Variants in ZNF14 observed in about 807,000 individuals in gnomAD.
The protein encoded by ZNF14 is zinc finger protein 14.
ZNF14 carries 9 observed loss-of-function variants against 11.3 expected under a neutral mutation model. That is an observed-to-expected ratio of 0.80 (90% CI 0.48 to 1.39). The LOEUF (loss-of-function observed/expected upper bound fraction) is 1.39. Ranked by LOEUF, ZNF14 falls within the 40% of genes most tolerant of loss-of-function variation. ZNF14 has a pLI of 0.00. For synonymous variants in ZNF14, 239 were observed against 245.7 expected (o/e 0.97, Z 0.25); for missense variants, 711 against 763.9 (o/e 0.93, Z 0.82).
chr19:19,732,840 C>A, intron 1 of ZNF14, 116 bp downstream of exon 1: 1 of 1,407,046 alleles, frequency 7.1e-7, no homozygotes, highest in South Asian at 1.3e-5. Flanking sequence ...CGAACTGCGC[C>A]CGCGGTGGCC....
rs970434922 is a variant in ZNF14, at chr19:19,726,638, C to A, written c.3+6318G>T. Among the ~76,000 whole-genome samples, 19 of 134,022 alleles carry A rather than the reference C, an allele frequency of 1.4e-4. 4 individuals are homozygous for A. The highest frequency in any genetic ancestry group is 4.1e-4 in the African/African-American group (15 of 36,280). The allele number at this position is 134,022 out of a possible 152,430, so 87.9% of individuals were successfully genotyped here. On this transcript the variant is annotated intron_variant, in intron 1 of 3. Coordinates refer to ENST00000344099, the MANE Select transcript of ZNF14 (RefSeq NM_021030.3). ...TGTCAGACAGGGACATTTAAGTCTGCAGAAGTTTCTGCTGCCTTTTGTTCA... is the reference window on the plus strand; with the variant it reads ...TGTCAGACAGGGACATTTAAGTCTGAAGAAGTTTCTGCTGCCTTTTGTTCA...
Position 19,720,915 on chromosome 19 carries a change from AAG to A in ZNF14, c.4-6430_4-6429del, listed in dbSNP as rs1290793610. Among the ~76,000 whole-genome samples, 1 of 152,230 alleles carries A rather than the reference AAG, an allele frequency of 6.6e-6. No homozygotes were observed. Among genetic ancestry groups the A allele is most frequent in the African/African-American group, 2.4e-5 (1 of 41,456 alleles). On this transcript the variant is annotated intron_variant, in intron 1 of 3. Coordinates refer to ENST00000344099, the MANE Select transcript of ZNF14 (RefSeq NM_021030.3). The surrounding 1 kb of genome is among the most constrained non-coding windows in gnomAD (Gnocchi z 4.1). The stretch of plus-strand genomic sequence containing the variant: ...ACCCGGCATGTTTTAATTTAAATAA[AAG>A]AGAAAGCATTCATAAGAACAACCTC...
In ZNF14 at chr19:19,728,116, C is replaced by CAAACA. The variant is rs543443387; in HGVS notation, c.3+4835_3+4839dup. Among the ~76,000 whole-genome samples the CAAACA allele has an allele frequency of 1.5e-5, 2 of 130,090 alleles. 1 individual carries two copies. Among genetic ancestry groups the CAAACA allele is most frequent in the Middle Eastern group, 8.8e-3 (2 of 228 alleles). The allele number at this position is 130,090 out of a possible 152,430, so 85.3% of individuals were successfully genotyped here. A position where few individuals can be genotyped will look rare whatever the true frequency, so the allele number is the denominator to read the frequency against. ...GGGCAACACAGTGAGACTCTTGTCTCAAACAAAACAAAACAAAACAAACAA... is the reference window on the plus strand; with the variant it reads ...GGGCAACACAGTGAGACTCTTGTCTCAAACAAAACAAAACAAAACAAAACAAACAA... On this transcript the variant is annotated intron_variant, in intron 1 of 3. Coordinates refer to ENST00000344099, the MANE Select transcript of ZNF14 (RefSeq NM_021030.3).
In ZNF14 at chr19:19,711,634, A is replaced by G. The variant is rs74349485; in HGVS notation, c.1647T>C (p.His549=). ...GTTTCTCTCCAGTGTGAGTCCTTTC[A>G]TGCAATCGAATTTGACTGGAACGAA... The part of the protein sequence containing the change: ...AFLRSSQIRL[H]ERTHTGEKPY... The change falls in exon 4 of 4, where the codon CAT becomes CAC. Residue 549 remains histidine, a synonymous_variant. Coordinates refer to ENST00000344099, the MANE Select transcript of ZNF14 (RefSeq NM_021030.3). The G allele has an allele frequency of 5.8e-3, 9,281 of 1,614,014 alleles. 322 individuals carry two copies. The East Asian group carries it at 0.077, about 13-fold the overall frequency.
chr19:19,718,554 A>G (rs1418241519), intron 1 of ZNF14, among the ~76,000 whole-genome samples: 1 of 152,204 alleles, frequency 6.6e-6, no homozygotes, highest in Non-Finnish European at 1.5e-5. Flanking sequence ...AAGAAACAGA[A>G]GAAATAACTG....
intron 1 of ZNF14, among the ~76,000 whole-genome samples, chr19:19,717,628 A>ATCCTT (rs1452994403): frequency 6.6e-6 from 1 of 152,182 alleles, no homozygotes; most frequent in Non-Finnish European, 1.5e-5. Flanking sequence ...AACAAGGAGG[A>ATCCTT]TCCTTTCACC....
chr19:19,719,586 A>G (rs1165105646), intron 1 of ZNF14, among the ~76,000 whole-genome samples: 1 of 152,254 alleles, frequency 6.6e-6, no homozygotes, highest in African/African-American at 2.4e-5. Context: ...TTAAAAAACA[A>G]CAAAAAACTA....
rs746068484 is a variant in ZNF14 at position 19,712,330 on chromosome 19, AAAG to A, written c.948_950del (p.Phe317del). 79 of 1,613,764 alleles carry A rather than the reference AAAG, an allele frequency of 4.9e-5. No homozygotes were observed. The South Asian group carries it at 7.9e-4, about 16-fold the overall frequency. On this transcript the variant is annotated inframe_deletion, in exon 4 of 4. Coordinates refer to ENST00000344099, the MANE Select transcript of ZNF14 (RefSeq NM_021030.3). ...CATGTGCTCGAAAGCTTGCAGAATA[AAAG>A]AAGGCTTTTCCACATTCTTTACATT...
intron 1 of ZNF14, among the ~76,000 whole-genome samples, chr19:19,718,792 G>A (rs2062384627): frequency 6.6e-6 from 1 of 152,038 alleles, no homozygotes; most frequent in African/African-American, 2.4e-5. Context: ...TTGAGACATT[G>A]TCACACTCTG....
In ZNF14 at chr19:19,712,482, G is replaced by C. The variant is rs145871418; in HGVS notation, c.799C>G (p.Arg267Gly). The C allele has an allele frequency of 1.3e-6, 2 of 1,559,348 alleles. No individual in the cohort carries two copies. The highest frequency in any genetic ancestry group is 1.8e-6 in the Non-Finnish European group (2 of 1,142,398). ...GKAFSCPTYF[R>G]THERTHTGEK... The stretch of plus-strand genomic sequence containing the variant: ...CCAGTGTGAGTTCTTTCATGAGTTC[G>C]AAAGTATGTGGGACAACTGAAAGCC... Residue 267 changes from arginine to glycine, a missense_variant, in exon 4 of 4, where the codon CGA becomes GGA. Coordinates refer to ENST00000344099, the MANE Select transcript of ZNF14 (RefSeq NM_021030.3).
chr19:19,714,511 C>T (rs1260587258), intron 1 of ZNF14, 24 bp from the exon 2 acceptor site: 2 of 1,605,046 alleles, frequency 1.2e-6, no homozygotes, highest in Admixed American at 3.5e-5. Flanking sequence ...CATATGTTTA[C>T]AGAGGATGGG....
At chr19:19,719,711 A>G (rs1027857007) in intron 1 of ZNF14, among the ~76,000 whole-genome samples, 3 of 152,156 alleles carry the variant, frequency 2.0e-5, no homozygotes, top group Non-Finnish European at 4.4e-5. Context: ...AAATAGAAAA[A>G]CATAAAAAGA....
In ZNF14 at chr19:19,726,974, T is replaced by C. The variant is rs970492307; in HGVS notation, c.3+5982A>G. On this transcript the variant is annotated intron_variant, in intron 1 of 3. Coordinates refer to ENST00000344099, the MANE Select transcript of ZNF14 (RefSeq NM_021030.3). ...GGTGGAAGTGTCCCGATTTTCCAGA[T>C]ACCATCTTTCACGGCTTCCCTTGAC... Among the ~76,000 whole-genome samples, 2 of 133,936 alleles carry C rather than the reference T, an allele frequency of 1.5e-5. 1 individual carries two copies. 87.9% of individuals were successfully genotyped at this position (133,936 alleles called of 152,430 possible).
intron 1 of ZNF14, among the ~76,000 whole-genome samples, chr19:19,718,197 G>A (rs1462379626): frequency 6.6e-6 from 1 of 152,204 alleles, no homozygotes; most frequent in Non-Finnish European, 1.5e-5. Context: ...TGTTGGAATT[G>A]TCAGATCAGA....
In ZNF14 at chr19:19,712,495, A is replaced by G; in HGVS notation, c.786T>C (p.Cys262=). The G allele has an allele frequency of 6.4e-7, 1 of 1,559,840 alleles. No homozygotes were observed. Among genetic ancestry groups the G allele is most frequent in the Non-Finnish European group, 8.8e-7 (1 of 1,142,642 alleles). Residue 262 remains cysteine (C), a synonymous_variant, in exon 4 of 4, where the codon TGT becomes TGC. Transcript: ENST00000344099. The part of the protein sequence containing the change: ...ECKQCGKAFS[C]PTYFRTHERT... ...TTTCATGAGTTCGAAAGTATGTGGG[A>G]CAACTGAAAGCCTTACCACATTGCT...
At chr19:19,723,491 T>G (rs1394296986) in intron 1 of ZNF14, among the ~76,000 whole-genome samples, 1 of 152,208 alleles carries the variant, frequency 6.6e-6, no homozygotes, top group African/African-American at 2.4e-5. Context: ...TGCCAGTATT[T>G]TATTTAGGAT....
intron 1 of ZNF14, among the ~76,000 whole-genome samples, chr19:19,722,962 C>T (rs1198043091): frequency 2.0e-5 from 3 of 152,178 alleles, no homozygotes; most frequent in African/African-American, 7.2e-5. Context: ...GCTGAAGTTG[C>T]TTATCAGCTT....
At chr19:19,723,721 T>C (rs1265061187) in intron 1 of ZNF14, among the ~76,000 whole-genome samples, 1 of 132,966 alleles carries the variant, frequency 7.5e-6, no homozygotes. Context: ...CCTGGGCTTT[T>C]TTTGGTTGGT....
At chr19:19,724,652 T>C (rs964921015) in intron 1 of ZNF14, among the ~76,000 whole-genome samples, 11 of 133,242 alleles carry the variant, frequency 8.3e-5, no homozygotes, top group African/African-American at 3.1e-4. Context: ...CTTTCTGTCT[T>C]GTTGATCTGT....
Sources: gnomAD v4.1 joint callset for allele counts (sites outside exome capture counted in the v4.1 genomes callset) on GRCh38, gnomAD v4.1.1 for gene constraint, Gnocchi (gnomAD v3.1) non-coding constraint, MANE v1.5 for transcripts, NCBI Gene and HGNC (gene_info 2026-07-23, HGNC 2026-07-21) for gene names.